The following SNX8 variants were observed in gnomAD, a reference collection of about 807,000 sequenced individuals.
SNX8 encodes the protein sorting nexin 8.
In SNX8, 25 loss-of-function variants were observed where a neutral mutation model predicts 51.6. That is an observed-to-expected ratio of 0.48 (90% confidence interval 0.35 to 0.68). The LOEUF (loss-of-function observed/expected upper bound fraction) is 0.68, where lower values mean the gene tolerates loss of function less well. Ranked by LOEUF, SNX8 falls within the 30% of genes least tolerant of loss-of-function variation. The pLI is 0.00. For missense variants in SNX8, 695 were observed against 624.0 expected (o/e 1.11, Z -1.21); for synonymous variants, 324 against 277.0 (o/e 1.17, Z -1.68).
Position 2,253,257 on chromosome 7 carries a change from G to A in SNX8, c.*1799C>T, listed in dbSNP as rs928158525. On this transcript the variant is annotated 3_prime_UTR_variant, in exon 11 of 11. Transcript: ENST00000222990. The stretch of plus-strand genomic sequence containing the variant: ...TCAATCCTTGGGGGCTGTCAGGAGC[G>A]CGTGCCTTGCCTACTCTGGAGACAC... 2.6e-5 allele frequency: 4 copies of A among 154,466 alleles called. No homozygotes were observed. The highest frequency in any genetic ancestry group is 6.5e-5 in the Admixed American group (1 of 15,282). 9.6% of individuals were successfully genotyped at this position (154,466 alleles called of 1,614,324 possible). A position where few individuals can be genotyped will look rare whatever the true frequency, so the allele number is the denominator to read the frequency against.
chr7:2,314,529 C>G, upstream of SNX8: 1 of 1,061,940 alleles, frequency 9.4e-7, no homozygotes. Context: ...CCCCCTCCCC[C>G]GCGCGCCACG....
Position 2,269,611 on chromosome 7 carries a change from G to A in SNX8, c.569C>T (p.Ala190Val), listed in dbSNP as rs112792307. 6.2e-7 allele frequency: 1 copy of A among 1,601,502 alleles called. No homozygotes were observed. The highest frequency in any genetic ancestry group is 1.1e-5 in the South Asian group (1 of 89,128). Residue 190 changes from alanine to valine, a missense_variant, in exon 5 of 11, where the codon GCA (alanine) becomes GTA (valine). Ala to Val is a moderately conservative substitution (Grantham distance 64). Coordinates refer to ENST00000222990, the MANE Select transcript of SNX8 (RefSeq NM_013321.4). ...SDVQNKLKES[A>V]QCVGDEFLNC... ...CAGGAATTCGTCCCCGACGCACTGTGCTGACTCCTTTAACTTGTTCTGCAC... is the reference window on the plus strand; with the variant it reads ...CAGGAATTCGTCCCCGACGCACTGTACTGACTCCTTTAACTTGTTCTGCAC...
rs1795407262 is a variant in SNX8 at position 2,264,238 on chromosome 7, C to T, written c.782+60G>A. On this transcript the variant is annotated intron_variant, in intron 6 of 10. Transcript: ENST00000222990. ...AAACGCACTTTCCGCCCAAGCCCTT[C>T]ACCAGCATGGATTCCCGTCCCACCG... 3.3e-6 allele frequency: 5 copies of T among 1,527,186 alleles called. No individual in the cohort carries two copies. In the Admixed American group the frequency reaches 8.6e-5, roughly 26 times the overall value. The allele number at this position is 1,527,186 out of a possible 1,614,324, so 94.6% of individuals were successfully genotyped here. A position where few individuals can be genotyped will look rare whatever the true frequency, so the allele number is the denominator to read the frequency against.
intron 4 of SNX8, among the ~76,000 whole-genome samples, chr7:2,269,941 A>G (rs1417019087): frequency 6.6e-6 from 1 of 152,108 alleles, no homozygotes; most frequent in Non-Finnish European, 1.5e-5. Context: ...CCATCCACAG[A>G]CCAGGGGCGG....
chr7:2,346,811 T>A (rs1467722146), intron 1 of SNX8, among the ~76,000 whole-genome samples: 2 of 140,330 alleles, frequency 1.4e-5, no homozygotes, highest in African/African-American at 5.3e-5. Flanking sequence ...CCACAAGTAC[T>A]CAGGAGGCTG....
intron 1 of SNX8, among the ~76,000 whole-genome samples, chr7:2,328,349 G>T (rs916446230): frequency 4.6e-5 from 7 of 152,050 alleles, no homozygotes; most frequent in Non-Finnish European, 1.0e-4. Flanking sequence ...GAGCCACCAT[G>T]CCTGGCCTGT....
intron 1 of SNX8, among the ~76,000 whole-genome samples, chr7:2,298,873 G>A (rs182130730): frequency 7.0e-6 from 1 of 143,754 alleles, no homozygotes; most frequent in Non-Finnish European, 1.5e-5. Context: ...TTGGATTTTT[G>A]GTAGAGACAG....
At chr7:2,319,167 C>T (rs1018219183), upstream of SNX8, among the ~76,000 whole-genome samples, 2 of 149,844 alleles carry the variant, frequency 1.3e-5, no homozygotes, top group Admixed American at 6.7e-5. Context: ...AGGGAAACTC[C>T]GTCTCCAATA....
intron 1 of SNX8, among the ~76,000 whole-genome samples, chr7:2,305,935 C>T (rs1442172721): frequency 6.6e-6 from 1 of 152,026 alleles, no homozygotes; most frequent in Non-Finnish European, 1.5e-5. Flanking sequence ...AAAATAAAGA[C>T]AGCGGCACCC....
chr7:2,270,922 C>T (rs529206378), intron 4 of SNX8, among the ~76,000 whole-genome samples: 4 of 152,284 alleles, frequency 2.6e-5, no homozygotes, highest in South Asian at 2.1e-4. Flanking sequence ...GTGGAGCCCC[C>T]GCCCCTCCCC....
chr7:2,287,555 G>A (rs1167719711), intron 1 of SNX8, among the ~76,000 whole-genome samples: 1 of 152,024 alleles, frequency 6.6e-6, no homozygotes, highest in Non-Finnish European at 1.5e-5. Context: ...CTCCAGCCTG[G>A]GCAACAAGAG....
At chr7:2,334,454 T>TTG (rs1010291745) in intron 1 of SNX8, among the ~76,000 whole-genome samples, 28 of 150,638 alleles carry the variant, frequency 1.9e-4, no homozygotes, top group African/African-American at 6.8e-4. Context: ...TCCCAACACT[T>TTG]TGGGAAGCCA....
chr7:2,268,562 C>A (rs1156402742), intron 5 of SNX8, among the ~76,000 whole-genome samples: 1 of 147,270 alleles, frequency 6.8e-6, no homozygotes, highest in African/African-American at 2.5e-5. Context: ...GGGGTCAGCC[C>A]CCCGCCTGGC....
chr7:2,304,341 G>T (rs574177322), intron 1 of SNX8, among the ~76,000 whole-genome samples: 1 of 151,454 alleles, frequency 6.6e-6, no homozygotes, highest in Admixed American at 6.6e-5. Context: ...TCAGGAGATA[G>T]AGACCATCCT....
chr7:2,290,880 C>G (rs1227330230), intron 1 of SNX8, among the ~76,000 whole-genome samples: 1 of 152,230 alleles, frequency 6.6e-6, no homozygotes, highest in African/African-American at 2.4e-5. Context: ...CCCAGGAGAA[C>G]AGGAGGAGGA....
chr7:2,298,169 T>C (rs1195209768), intron 1 of SNX8, among the ~76,000 whole-genome samples: 8 of 152,040 alleles, frequency 5.3e-5, no homozygotes, highest in Non-Finnish European at 7.4e-5. Context: ...AGTACAGTAG[T>C]GCGATCACAG....
intron 4 of SNX8, among the ~76,000 whole-genome samples, chr7:2,271,549 G>A (rs1795644292): frequency 6.6e-6 from 1 of 152,118 alleles, no homozygotes; most frequent in Admixed American, 6.6e-5. Context: ...TTCCCATCTG[G>A]AGTCTCTGGC....
chr7:2,275,471 G>A (rs1795756889), intron 2 of SNX8, among the ~76,000 whole-genome samples: 1 of 150,804 alleles, frequency 6.6e-6, no homozygotes, highest in African/African-American at 2.4e-5. Context: ...AGGTTGAGGC[G>A]GGTGAATCAC....
intron 4 of SNX8, 100 bp downstream of exon 4, chr7:2,271,750 G>T: frequency 1.4e-6 from 2 of 1,381,920 alleles, no homozygotes; most frequent in South Asian, 1.3e-5. Flanking sequence ...CCAAACAAGG[G>T]ACCAGGAGGA....
Sources: gnomAD v4.1 joint callset for allele counts (sites outside exome capture counted in the v4.1 genomes callset) on GRCh38, gnomAD v4.1.1 for gene constraint, MANE v1.5 for transcripts, NCBI Gene and HGNC (gene_info 2026-07-23, HGNC 2026-07-21) for gene names.